Variants in NWD1 observed in about 807,000 individuals in gnomAD.
NWD1 encodes NACHT and WD repeat domain containing 1, also known as NACHT domain- and WD repeat-containing protein 1.
A neutral mutation model predicts 135.1 loss-of-function variants in NWD1; 129 were observed. The observed-to-expected ratio is 0.96, with a 90% CI of 0.83 to 1.11. NWD1 has a LOEUF of 1.11. Ranked by LOEUF, NWD1 falls within the 50% of genes least tolerant of loss-of-function variation. The pLI is 0.00. For synonymous variants in NWD1, 773 were observed against 786.0 expected (o/e 0.98, Z 0.28); for missense variants, 1,740 against 1,851.3 (o/e 0.94, Z 1.10).
intron 6 of NWD1, among the ~76,000 whole-genome samples, chr19:16,752,925 G>A (rs1968637238): frequency 1.3e-5 from 2 of 152,202 alleles, no homozygotes; most frequent in African/African-American, 4.8e-5. Context: ...GTTGAGCCAG[G>A]AGGTCATGGC....
In NWD1 at chr19:16,729,644, G is replaced by A. The variant is rs144216743; in HGVS notation, c.-6-1548G>A. On this transcript the variant is annotated intron_variant, in intron 2 of 18. Coordinates refer to ENST00000524140, the MANE Select transcript of NWD1 (RefSeq NM_001007525.5). ...TGTAATCCCGGTACTTTAGGGGGCCGAGGCACCTGAGGTGAGGAGTTTGAG... is the reference window on the plus strand; with the variant it reads ...TGTAATCCCGGTACTTTAGGGGGCCAAGGCACCTGAGGTGAGGAGTTTGAG... Among the ~76,000 whole-genome samples the A allele has an allele frequency of 7.3e-5, 11 of 151,260 alleles. No individual in the cohort carries two copies. In the East Asian group the frequency reaches 1.7e-3, roughly 24 times the overall value.
At chr19:16,742,732 G>A (rs993000907) in intron 4 of NWD1, among the ~76,000 whole-genome samples, 1 of 151,740 alleles carries the variant, frequency 6.6e-6, no homozygotes, top group Non-Finnish European at 1.5e-5. Flanking sequence ...GTGCAATGGC[G>A]CAATCTCGGC....
intron 6 of NWD1, among the ~76,000 whole-genome samples, chr19:16,752,185 G>C (rs999608684): frequency 2.0e-5 from 3 of 151,292 alleles, no homozygotes; most frequent in Non-Finnish European, 2.9e-5. Context: ...AATGCTGGAC[G>C]ACATAGTTTT....
chr19:16,737,978 A>AAGAAG (rs1967897918), intron 4 of NWD1, among the ~76,000 whole-genome samples: 1 of 149,714 alleles, frequency 6.7e-6, no homozygotes, highest in African/African-American at 2.5e-5. Context: ...AAGAAAAGAA[A>AAGAAG]AGAAAAGAAA....
intron 5 of NWD1, among the ~76,000 whole-genome samples, chr19:16,747,155 G>A (rs1968356622): frequency 2.0e-5 from 3 of 150,262 alleles, no homozygotes; most frequent in Non-Finnish European, 1.5e-5. Flanking sequence ...TCCTGCCTCA[G>A]CCTCCTAAGT....
intron 4 of NWD1, among the ~76,000 whole-genome samples, chr19:16,742,474 T>A (rs1178161722): frequency 2.0e-5 from 3 of 152,094 alleles, no homozygotes; most frequent in Non-Finnish European, 4.4e-5. Context: ...CCTTTCTCCG[T>A]GGTCAGCCCT....
intron 2 of NWD1, among the ~76,000 whole-genome samples, chr19:16,726,242 G>A (rs1431163767): frequency 5.3e-5 from 8 of 151,788 alleles, no homozygotes; most frequent in Non-Finnish European, 8.8e-5. Flanking sequence ...GATTACAGGC[G>A]TGAGCCACAG....
Position 16,736,680 on chromosome 19 carries a change from A to C in NWD1, c.128A>C (p.His43Pro). 6.5e-7 allele frequency: 1 copy of C among 1,536,246 alleles called. No homozygotes were observed. Among genetic ancestry groups the C allele is most frequent in the Non-Finnish European group, 8.7e-7 (1 of 1,146,906 alleles). ...ATTCGGAACATTGAAGCCACTGACC[A>C]CTTGACCACAGAACTCTGCTTGGAG... ...WGIRNIEATD[H>P]LTTELCLEEV... The change falls in exon 4 of 19, where the codon CAC (histidine) becomes CCC (proline). Residue 43 changes from histidine (H) to proline (P), a missense_variant. Physicochemically the swap from His to Pro is moderately conservative, Grantham distance 77. Coordinates refer to ENST00000524140, the MANE Select transcript of NWD1 (RefSeq NM_001007525.5).
At chr19:16,762,932 T>A (rs895378952) in intron 8 of NWD1, among the ~76,000 whole-genome samples, 2 of 151,826 alleles carry the variant, frequency 1.3e-5, no homozygotes, top group African/African-American at 4.8e-5. Context: ...TACAGGTGTG[T>A]GCCACTGCAC....
At chr19:16,735,767 T>G (rs537295908) in intron 3 of NWD1, among the ~76,000 whole-genome samples, 57 of 144,338 alleles carry the variant, frequency 3.9e-4, no homozygotes, top group African/African-American at 1.4e-3. Flanking sequence ...TAGGCAAAAT[T>G]TACAATGAGC....
intron 13 of NWD1, 123 bp from the exon 14 acceptor site, chr19:16,791,227 C>A (rs1457819772): frequency 1.9e-5 from 16 of 860,680 alleles, no homozygotes; most frequent in Non-Finnish European, 2.9e-5. Context: ...AAGAGAGGCT[C>A]TGTCTCCAAA....
intron 11 of NWD1, among the ~76,000 whole-genome samples, chr19:16,778,889 G>A (rs1969756244): frequency 6.6e-6 from 1 of 152,144 alleles, no homozygotes; most frequent in Admixed American, 6.6e-5. Flanking sequence ...GGGTTTCTCA[G>A]CCATGGCATT....
intron 10 of NWD1, among the ~76,000 whole-genome samples, chr19:16,769,298 C>T (rs1969332896): frequency 6.6e-6 from 1 of 151,912 alleles, no homozygotes; most frequent in South Asian, 2.1e-4. Flanking sequence ...CCCATCTCTA[C>T]TAAAAATGCA....
intron 15 of NWD1, among the ~76,000 whole-genome samples, chr19:16,794,852 A>G (rs917070196): frequency 1.3e-5 from 2 of 152,024 alleles, no homozygotes; most frequent in African/African-American, 4.8e-5. Flanking sequence ...CTCAATCATA[A>G]TTCATTGCAG....
chr19:16,732,704 A>AGCTCACT (rs559635485), intron 3 of NWD1, among the ~76,000 whole-genome samples: 32 of 143,524 alleles, frequency 2.2e-4, no homozygotes, highest in African/African-American at 8.4e-4. Flanking sequence ...GTGATCTCAC[A>AGCTCACT]GCTCACTGCA....
At chr19:16,776,284 G>A (rs1284186676) in intron 11 of NWD1, among the ~76,000 whole-genome samples, 1 of 151,948 alleles carries the variant, frequency 6.6e-6, no homozygotes, top group Non-Finnish European at 1.5e-5. Flanking sequence ...AATATGAAAA[G>A]TATGGCCAGG....
At chr19:16,794,714 C>A (rs141414428) in intron 15 of NWD1, among the ~76,000 whole-genome samples, 161 bp downstream of exon 15, 1 of 152,212 alleles carries the variant, frequency 6.6e-6, no homozygotes, top group Non-Finnish European at 1.5e-5. Context: ...CCAGACGAGA[C>A]AACCTCAGTT....
At chr19:16,759,507 C>A in intron 7 of NWD1, 79 bp downstream of exon 7, 1 of 1,012,822 alleles carries the variant, frequency 9.9e-7, no homozygotes, top group South Asian at 1.4e-5. Flanking sequence ...GGGGTCTTCT[C>A]AGTATCAGAT....
intron 3 of NWD1, among the ~76,000 whole-genome samples, chr19:16,732,343 C>T (rs1967605653): frequency 6.6e-6 from 1 of 151,892 alleles, no homozygotes; most frequent in Non-Finnish European, 1.5e-5. Flanking sequence ...ATCGCTGTGT[C>T]CCTTGCAGTG....
Sources: allele counts gnomAD v4.1 joint callset (sites outside exome capture counted in the v4.1 genomes callset), GRCh38; gene constraint gnomAD v4.1.1; transcripts MANE v1.5; gene names NCBI Gene and HGNC (gene_info 2026-07-23, HGNC 2026-07-21).